The following EPHA6 variants were observed in gnomAD, a reference collection of about 807,000 sequenced individuals.
The protein encoded by EPHA6 is EPH receptor A6, also known as ephrin type-A receptor 6.
A neutral mutation model predicts 112.0 loss-of-function variants in EPHA6; 50 were observed. That is an observed-to-expected ratio of 0.45 (90% CI 0.36 to 0.56). The LOEUF (loss-of-function observed/expected upper bound fraction) is 0.56, where lower values mean the gene tolerates loss of function less well. EPHA6 is among the 20% of genes least tolerant of loss of function. The pLI is 0.00. For missense variants in EPHA6, 1,280 were observed against 1,417.4 expected (o/e 0.90, Z 1.56); for synonymous variants, 529 against 490.7 (o/e 1.08, Z -1.03).
At chr3:97,582,188 C>T (rs1242840967) in intron 11 of EPHA6, among the ~76,000 whole-genome samples, 2 of 151,972 alleles carry the variant, frequency 1.3e-5, no homozygotes, top group Non-Finnish European at 2.9e-5. Context: ...TGCCACCACA[C>T]CCGGATAATT....
Position 97,243,088 on chromosome 3 carries a change from G to A in EPHA6, c.1271-864G>A, listed in dbSNP as rs145701696. On this transcript the variant is annotated intron_variant, in intron 4 of 17. Coordinates refer to ENST00000389672, the MANE Select transcript of EPHA6 (RefSeq NM_001080448.3). ...TTAAGGAAAGGCTGGAGTAATTAGC[G>A]GCTATCAAGCACTCTACACGGTGTG... 1.9e-3 allele frequency among the ~76,000 whole-genome samples: 283 copies of A among 151,850 alleles called. 1 individual carries two copies. The highest frequency in any genetic ancestry group is 6.5e-3 in the African/African-American group (270 of 41,476).
chr3:97,595,519 C>G (rs193116522), intron 12 of EPHA6, among the ~76,000 whole-genome samples: 42 of 152,158 alleles, frequency 2.8e-4, no homozygotes, highest in Middle Eastern at 3.4e-3. Context: ...GTGGCGGGCA[C>G]CTGTAATCTC....
intron 3 of EPHA6, among the ~76,000 whole-genome samples, chr3:97,150,268 C>T (rs1289231051): frequency 4.6e-5 from 7 of 152,070 alleles, no homozygotes; most frequent in African/African-American, 1.7e-4. Context: ...TATTGGGAGA[C>T]AATTCTCTAT....
At chr3:97,368,543 A>C (rs1222795629) in intron 5 of EPHA6, among the ~76,000 whole-genome samples, 1 of 152,196 alleles carries the variant, frequency 6.6e-6, no homozygotes, top group Non-Finnish European at 1.5e-5. Flanking sequence ...TATATGAGTC[A>C]AAGCTAATAA....
chr3:96,962,719 C>A (rs773486438), intron 2 of EPHA6, among the ~76,000 whole-genome samples: 1 of 151,668 alleles, frequency 6.6e-6, no homozygotes, highest in Admixed American at 6.6e-5. Context: ...ATTGACCTTG[C>A]CTGTGCTTGC....
At chr3:97,748,517 ATCTCTC>A (rs71113865) in intron 17 of EPHA6, 64 bp from the exon 18 acceptor site, 4,030 of 683,370 alleles carry the variant, frequency 5.9e-3, no homozygotes, top group East Asian at 0.015. Context: ...CATATTCTGT[ATCTCTC>A]TCTCTCTCTC....
rs548318197 is a variant in EPHA6, at chr3:97,656,989, G to C, written c.2784+18907G>C. 7.6e-4 allele frequency among the ~76,000 whole-genome samples: 116 copies of C among 151,826 alleles called. 2 individuals are homozygous for C. The highest frequency in any genetic ancestry group is 3.9e-4 in the East Asian group (2 of 5,154). ...AGTGTATAATATGTGTCACAAAAAG[G>C]CAGCTGCTAAATGAATTATACATAA... On this transcript the variant is annotated intron_variant, in intron 14 of 17. Coordinates refer to ENST00000389672, the MANE Select transcript of EPHA6 (RefSeq NM_001080448.3).
intron 10 of EPHA6, among the ~76,000 whole-genome samples, chr3:97,505,620 G>A (rs1444994387): frequency 6.6e-6 from 1 of 152,102 alleles, no homozygotes; most frequent in African/African-American, 2.4e-5. Flanking sequence ...CTAAGTCTTT[G>A]CTATTGTGAA....
At chr3:97,163,499 T>C (rs1229694435) in intron 3 of EPHA6, among the ~76,000 whole-genome samples, 1 of 152,188 alleles carries the variant, frequency 6.6e-6, no homozygotes, top group Non-Finnish European at 1.5e-5. Flanking sequence ...TCTGTCTTTA[T>C]ACATTTAGAA....
intron 14 of EPHA6, among the ~76,000 whole-genome samples, chr3:97,685,297 G>C (rs1170274364): frequency 6.6e-6 from 1 of 152,110 alleles, no homozygotes; most frequent in Non-Finnish European, 1.5e-5. Flanking sequence ...CCTAAGATAA[G>C]AATAAGAGTT....
intron 5 of EPHA6, among the ~76,000 whole-genome samples, chr3:97,255,597 T>C (rs1407846628): frequency 6.6e-6 from 1 of 152,224 alleles, no homozygotes; most frequent in Non-Finnish European, 1.5e-5. Flanking sequence ...GTATAGCTTC[T>C]TTTATATGAC....
At chr3:97,586,885 A>C (rs1279562950) in intron 11 of EPHA6, among the ~76,000 whole-genome samples, 4 of 152,184 alleles carry the variant, frequency 2.6e-5, no homozygotes, top group African/African-American at 9.7e-5. Flanking sequence ...ACCAGAGTTC[A>C]TCCAAAACCA....
chr3:97,757,119 A>G lies in EPHA6; in HGVS notation c.*8418A>G, dbSNP rs1257783532. Among the ~76,000 whole-genome samples the G allele has an allele frequency of 1.3e-5, 2 of 151,860 alleles. No individual in the cohort carries two copies. The highest frequency in any genetic ancestry group is 3.0e-5 in the Non-Finnish European group (2 of 67,758). ...CATGGCAACAGACTAAGTTCCACTA[A>G]AATTAAGGAAAACACTAAAAGGTAA... On this transcript the variant is annotated 3_prime_UTR_variant, in exon 18 of 18. Coordinates refer to ENST00000389672, the MANE Select transcript of EPHA6 (RefSeq NM_001080448.3).
intron 3 of EPHA6, among the ~76,000 whole-genome samples, chr3:97,145,549 C>A (rs1195696727): frequency 6.7e-6 from 1 of 148,904 alleles, no homozygotes; most frequent in African/African-American, 2.5e-5. Flanking sequence ...AAAAAAAAAA[C>A]ATTTTAATGC....
intron 2 of EPHA6, among the ~76,000 whole-genome samples, chr3:96,909,452 A>G (rs1188230048): frequency 6.6e-6 from 1 of 151,944 alleles, no homozygotes; most frequent in Non-Finnish European, 1.5e-5. Context: ...GTAATTCCTT[A>G]TCATTGGCAT....
intron 6 of EPHA6, among the ~76,000 whole-genome samples, chr3:97,415,944 A>T (rs2088088863): frequency 6.6e-6 from 1 of 152,034 alleles, no homozygotes. Context: ...AAAAAAATCT[A>T]ATTTTGTAAT....
At chr3:97,110,817 C>G (rs1167083892) in intron 3 of EPHA6, among the ~76,000 whole-genome samples, 1 of 152,016 alleles carries the variant, frequency 6.6e-6, no homozygotes, top group Admixed American at 6.6e-5. Context: ...GTGTGAGCCA[C>G]CATGCCTGGC....
At chr3:97,189,046 G>A (rs1222728477) in intron 3 of EPHA6, among the ~76,000 whole-genome samples, 1 of 151,828 alleles carries the variant, frequency 6.6e-6, no homozygotes, top group East Asian at 1.9e-4. Flanking sequence ...TGAAAGCTCA[G>A]CAATGGTGAT....
chr3:97,734,001 C>T (rs543761951), intron 15 of EPHA6, among the ~76,000 whole-genome samples: 1 of 151,980 alleles, frequency 6.6e-6, no homozygotes, highest in Non-Finnish European at 1.5e-5. Flanking sequence ...TCAACCCTGC[C>T]ACTTACTAGC....
Sources: gnomAD v4.1 joint callset for allele counts (sites outside exome capture counted in the v4.1 genomes callset) on GRCh38, gnomAD v4.1.1 for gene constraint, MANE v1.5 for transcripts, NCBI Gene and HGNC (gene_info 2026-07-23, HGNC 2026-07-21) for gene names.